RXRA: variants seen among roughly 807,000 people sequenced by gnomAD.
RXRA encodes retinoic acid receptor RXR-alpha.
RXRA carries 5 observed loss-of-function variants against 44.5 expected under a neutral mutation model. The ratio of observed to expected loss-of-function variants is 0.11; its 90% CI spans 0.06 to 0.24. The LOEUF (loss-of-function observed/expected upper bound fraction) is 0.24, where lower values mean the gene tolerates loss of function less well. RXRA is among the 10% of genes least tolerant of loss of function. The pLI is 1.00. For synonymous variants in RXRA, 291 were observed against 271.4 expected (o/e 1.07, Z -0.71); for missense variants, 412 against 646.5 (o/e 0.64, Z 3.93).
At chr9:134,424,142 C>A (rs948873594) in intron 6 of RXRA, 2 of 985,166 alleles carry the variant, frequency 2.0e-6, no homozygotes, top group African/African-American at 3.5e-5. Flanking sequence ...GAGTGCAGTG[C>A]TGAGGTTAGA....
At chr9:134,336,054 C>T (rs1014644158) in intron 1 of RXRA, among the ~76,000 whole-genome samples, 12 of 152,218 alleles carry the variant, frequency 7.9e-5, no homozygotes, top group African/African-American at 2.7e-4. Context: ...TACCCCACCC[C>T]TTCATGGACT....
chr9:134,336,571 T>C (rs11185650), intron 1 of RXRA, among the ~76,000 whole-genome samples: 57,491 of 152,102 alleles, frequency 0.38, 12,041 homozygotes, highest in African/African-American at 0.57. Context: ...CCTTGGTGGA[T>C]GTCGCTGAAT....
intron 1 of RXRA, among the ~76,000 whole-genome samples, chr9:134,399,816 G>A (rs1369643747): frequency 2.0e-5 from 3 of 152,370 alleles, no homozygotes; most frequent in Admixed American, 6.5e-5. Context: ...TGGCAGCCAG[G>A]CCCCTGCAGT....
intron 3 of RXRA, 88 bp downstream of exon 3, chr9:134,408,387 T>C: frequency 7.1e-7 from 1 of 1,400,562 alleles, no homozygotes; most frequent in Admixed American, 2.5e-5. Flanking sequence ...CACCCTCCTG[T>C]GGGCCAAGCA....
At chr9:134,416,539 G>A (rs908802343) in intron 4 of RXRA, among the ~76,000 whole-genome samples, 5 of 152,164 alleles carry the variant, frequency 3.3e-5, no homozygotes, top group Non-Finnish European at 7.4e-5. Context: ...GGGTGGGGCC[G>A]GGCGCCTGCC....
At chr9:134,420,500 C>T (rs968115554) in intron 5 of RXRA, among the ~76,000 whole-genome samples, 132 of 152,358 alleles carry the variant, frequency 8.7e-4, no homozygotes, top group Non-Finnish European at 1.7e-3. Context: ...CTGCCCTCTT[C>T]CGAGGGTCCT....
chr9:134,335,776 C>T lies in RXRA; in HGVS notation c.28+9117C>T, dbSNP rs1829992718. Among the ~76,000 whole-genome samples, 3 of 152,264 alleles carry T rather than the reference C, an allele frequency of 2.0e-5. No individual in the cohort carries two copies. In the South Asian group the frequency reaches 6.2e-4, roughly 32 times the overall value. ...ATGTGCGGTACCCCACCTCGGGGCC[C>T]TGGCTCCCAGGGTGTGTCCACTACT... On this transcript the variant is annotated intron_variant, in intron 1 of 9. Transcript: ENST00000481739.
chr9:134,349,823 T>TGGGC lies in RXRA; in HGVS notation c.28+23172_28+23175dup, dbSNP rs1830199410. The stretch of plus-strand genomic sequence containing the variant: ...AGGGGCAGAGCTGGGCTAGCTCGGG[T>TGGGC]GGGCGGGCGGGTGCCGCAGGCTCTC... On this transcript the variant is annotated intron_variant, in intron 1 of 9. Coordinates refer to ENST00000481739, the MANE Select transcript of RXRA (RefSeq NM_002957.6). This position sits in a 1 kb window ranked among gnomAD's most constrained non-coding sequence, Gnocchi z 4.3. Among the ~76,000 whole-genome samples the TGGGC allele has an allele frequency of 1.5e-3, 2 of 1,306 alleles. No homozygotes were observed. Among genetic ancestry groups the TGGGC allele is most frequent in the African/African-American group, 3.0e-3 (1 of 336 alleles). The allele number at this position is 1,306 out of a possible 152,430, so 0.9% of individuals were successfully genotyped here.
At chr9:134,351,327 G>T (rs1405419119) in intron 1 of RXRA, among the ~76,000 whole-genome samples, 1 of 152,218 alleles carries the variant, frequency 6.6e-6, no homozygotes. Flanking sequence ...CTCGAAAGGG[G>T]CCCTATGCCA....
intron 1 of RXRA, among the ~76,000 whole-genome samples, chr9:134,355,139 G>A (rs1165204983): frequency 6.6e-6 from 1 of 152,208 alleles, no homozygotes; most frequent in African/African-American, 2.4e-5. Flanking sequence ...CTGGGGCTGG[G>A]CCACCCCATC....
At chr9:134,333,001 T>G (rs1554746859) in intron 1 of RXRA, among the ~76,000 whole-genome samples, 1 of 152,122 alleles carries the variant, frequency 6.6e-6, no homozygotes, top group Non-Finnish European at 1.5e-5. Context: ...AGGCACCTTT[T>G]CCCTGGCCCT....
intron 1 of RXRA, among the ~76,000 whole-genome samples, chr9:134,363,471 C>T (rs760516467): frequency 2.6e-5 from 4 of 152,262 alleles, no homozygotes; most frequent in Non-Finnish European, 5.9e-5. Flanking sequence ...TGTGGCACCA[C>T]AAGCCCAGGC....
chr9:134,421,601 G>T, intron 5 of RXRA, 75 bp from the exon 6 acceptor site: 1 of 1,482,024 alleles, frequency 6.7e-7, no homozygotes. Context: ...GTGTGGCAGG[G>T]CCTGGTCTGG....
intron 1 of RXRA, among the ~76,000 whole-genome samples, chr9:134,351,286 C>T (rs1554749421): frequency 6.6e-6 from 1 of 152,224 alleles, no homozygotes; most frequent in Non-Finnish European, 1.5e-5. Context: ...GCTGCAGCGT[C>T]CTCCTCAGAG....
intron 1 of RXRA, chr9:134,374,130 G>A (rs1830523123): frequency 6.6e-6 from 1 of 152,334 alleles, no homozygotes; most frequent in Admixed American, 6.5e-5. Flanking sequence ...GGGAGTTAAA[G>A]GTGAGGGTGC....
At chr9:134,373,852 A>T (rs1328146960) in intron 1 of RXRA, among the ~76,000 whole-genome samples, 1 of 152,234 alleles carries the variant, frequency 6.6e-6, no homozygotes, top group Non-Finnish European at 1.5e-5. Flanking sequence ...TAAAAATTTA[A>T]AAATTAGAGA....
intron 1 of RXRA, among the ~76,000 whole-genome samples, chr9:134,345,806 T>G (rs1267347958): frequency 6.6e-6 from 1 of 152,188 alleles, no homozygotes; most frequent in African/African-American, 2.4e-5. Flanking sequence ...AAGTCTTGAC[T>G]CTCTGGCCCG....
At chr9:134,378,776 A>G (rs888628714) in intron 1 of RXRA, among the ~76,000 whole-genome samples, 3 of 152,152 alleles carry the variant, frequency 2.0e-5, no homozygotes, top group Non-Finnish European at 4.4e-5. Flanking sequence ...CTGCCCCCGC[A>G]GACCCCAGGC....
At chr9:134,435,694 G>A (rs1280561232) in intron 9 of RXRA, among the ~76,000 whole-genome samples, 3 of 152,044 alleles carry the variant, frequency 2.0e-5, no homozygotes, top group Middle Eastern at 3.4e-3. Flanking sequence ...CCCCTCCCCC[G>A]CCTGATGCTC....
Sources: gnomAD v4.1 joint callset for allele counts (sites outside exome capture counted in the v4.1 genomes callset) on GRCh38, gnomAD v4.1.1 for gene constraint, Gnocchi (gnomAD v3.1) non-coding constraint, MANE v1.5 for transcripts, NCBI Gene and HGNC (gene_info 2026-07-23, HGNC 2026-07-21) for gene names.